OLAH: variants seen among roughly 807,000 people sequenced by gnomAD.
OLAH encodes the protein S-acyl fatty acid synthase thioesterase, medium chain.
OLAH carries 33 observed loss-of-function variants against 27.8 expected under a neutral mutation model. That is an observed-to-expected ratio of 1.19 (90% CI 0.90 to 1.59). The LOEUF is 1.59. OLAH is among the 40% of genes most tolerant of loss of function. The pLI is 0.00. For synonymous variants in OLAH, 120 were observed against 102.9 expected (o/e 1.17, Z -1.01); for missense variants, 359 against 310.8 (o/e 1.16, Z -1.17).
chr10:15,032,557 G>A (rs913129572), intron 1 of OLAH, among the ~76,000 whole-genome samples: 6 of 147,758 alleles, frequency 4.1e-5, no homozygotes, highest in East Asian at 2.0e-4. Flanking sequence ...GGAGGCAAAG[G>A]TTCCAGTAAA....
intron 3 of OLAH, among the ~76,000 whole-genome samples, chr10:15,058,871 T>C (rs899627495): frequency 1.3e-5 from 2 of 152,020 alleles, no homozygotes; most frequent in Non-Finnish European, 1.5e-5. Flanking sequence ...AGTTGTTCCC[T>C]CCCTTCCTAC....
intron 4 of OLAH, among the ~76,000 whole-genome samples, chr10:15,063,984 G>A (rs1249300982): frequency 3.3e-5 from 5 of 152,124 alleles, no homozygotes; most frequent in Non-Finnish European, 7.4e-5. Flanking sequence ...ATTCATTAGA[G>A]TAAAAAAGGC....
rs566095410 is a variant in OLAH, at chr10:15,067,937, T to C, written c.572+2184T>C. 2.0e-5 allele frequency: 3 copies of C among 152,388 alleles called. No homozygotes were observed. The South Asian group carries it at 6.2e-4, about 32-fold the overall frequency. The allele number at this position is 152,388 out of a possible 1,614,324, so 9.4% of individuals were successfully genotyped here. ...CTCCTCTCTTGCTTCGGACTATTGTTACTGTTCCTCCTCTGGGATCCTGAT... is the reference window on the plus strand; with the variant it reads ...CTCCTCTCTTGCTTCGGACTATTGTCACTGTTCCTCCTCTGGGATCCTGAT... On this transcript the variant is annotated intron_variant, in intron 6 of 7. Coordinates refer to ENST00000378228, the MANE Select transcript of OLAH (RefSeq NM_001039702.3).
rs1844038084 is a variant in OLAH, at chr10:15,047,292, G to C, written c.4G>C (p.Glu2Gln). The change falls in exon 2 of 8, where the codon GAG (glutamate) becomes CAG (glutamine). Residue 2 changes from glutamate (E) to glutamine (Q), a missense_variant. Transcript: ENST00000378228. ...TCTTGCAACCTCACCTCACAGCATG[G>C]AGAGAGGAGACCAACCTAAGAGAAC... MERGDQPKRTRN... is the reference protein window; with the variant it reads MQRGDQPKRTRN... 6.2e-7 allele frequency: 1 copy of C among 1,613,410 alleles called. No individual in the cohort carries two copies.
chr10:15,032,583 T>G (rs925822430), intron 1 of OLAH, among the ~76,000 whole-genome samples: 26 of 140,054 alleles, frequency 1.9e-4, no homozygotes, highest in African/African-American at 5.9e-4. Flanking sequence ...ATCACACCAC[T>G]GCACTCCAGC....
rs770181850 is a variant in OLAH, at chr10:15,073,242, T to C, written c.*13T>C. 7.9e-6 allele frequency: 12 copies of C among 1,522,432 alleles called. No individual in the cohort carries two copies. In the African/African-American group the frequency reaches 1.3e-4, roughly 16 times the overall value. The allele number at this position is 1,522,432 out of a possible 1,614,324, so 94.3% of individuals were successfully genotyped here. A position where few individuals can be genotyped will look rare whatever the true frequency, so the allele number is the denominator to read the frequency against. ...ATCCAATTTTTAGATATTTTCCCTT[T>C]CACTTTTAAAATAATCAAAGTAATA... On this transcript the variant is annotated 3_prime_UTR_variant, in exon 8 of 8. Coordinates refer to ENST00000378228, the MANE Select transcript of OLAH (RefSeq NM_001039702.3).
In OLAH at chr10:15,050,243, C is replaced by G. The variant is rs539920998; in HGVS notation, c.163+478C>G. On this transcript the variant is annotated intron_variant, in intron 3 of 7. Coordinates refer to ENST00000378228, the MANE Select transcript of OLAH (RefSeq NM_001039702.3). ...GACCAGTCTGGGCAACACAGTGAGA[C>G]CCCATCTCTATAATAATAATTATTT... 2.6e-5 allele frequency among the ~76,000 whole-genome samples: 4 copies of G among 152,260 alleles called. No individual in the cohort carries two copies. The East Asian group carries it at 5.8e-4, about 22-fold the overall frequency.
At chr10:15,067,393 C>CT (rs60694197) in intron 6 of OLAH, among the ~76,000 whole-genome samples, 120,534 of 152,008 alleles carry the variant, frequency 0.79, 48,796 homozygotes, top group East Asian at 0.98. Context: ...AGAATAGCAC[C>CT]TTTCAAGGTG....
At chr10:15,051,302 A>G (rs556162994) in intron 3 of OLAH, among the ~76,000 whole-genome samples, 4 of 152,280 alleles carry the variant, frequency 2.6e-5, no homozygotes, top group African/African-American at 9.6e-5. Flanking sequence ...CATTGTTAAC[A>G]ATCAGAATTC....
Position 15,035,154 on chromosome 10 carries a change from G to A in OLAH, c.-164+2804G>A, listed in dbSNP as rs1335833882. On this transcript the variant is annotated intron_variant, in intron 1 of 3. Coordinates refer to the OLAH transcript ENST00000413672. ...GTTTGCTAGCAGAGAAGGCAGTGGT[G>A]AGTTGGGGAGAGGCATTCTAGGAGC... is the stretch of plus-strand genomic sequence containing the variant. 2.6e-5 allele frequency among the ~76,000 whole-genome samples: 4 copies of A among 152,252 alleles called. No individual in the cohort carries two copies. The East Asian group carries it at 7.7e-4, about 29-fold the overall frequency.
intron 1 of OLAH, among the ~76,000 whole-genome samples, chr10:15,037,759 G>A (rs1168730079): frequency 6.6e-6 from 1 of 152,172 alleles, no homozygotes; most frequent in Non-Finnish European, 1.5e-5. Context: ...ATTGCTGGTA[G>A]AACTTGCCTG....
chr10:15,069,978 A>C (rs1428552029), intron 6 of OLAH, among the ~76,000 whole-genome samples: 2 of 152,108 alleles, frequency 1.3e-5, no homozygotes, highest in African/African-American at 4.8e-5. Flanking sequence ...GTCTTATCGC[A>C]TGTACAGCAG....
At chr10:15,040,071 C>T (rs56809719), upstream of OLAH, among the ~76,000 whole-genome samples, 1 of 152,236 alleles carries the variant, frequency 6.6e-6, no homozygotes, top group East Asian at 1.9e-4. Context: ...TTCCCCATGC[C>T]CCATTCCTTC....
intron 1 of OLAH, chr10:15,038,712 A>G (rs1028463011): frequency 3.9e-5 from 6 of 152,234 alleles, no homozygotes; most frequent in Non-Finnish European, 7.3e-5. Flanking sequence ...TTTCCAGTAT[A>G]AATTACCCAG....
At chr10:15,071,429 G>T (rs1844584585) in intron 6 of OLAH, 2 of 726,928 alleles carry the variant, frequency 2.8e-6, no homozygotes, top group Non-Finnish European at 3.4e-6. Context: ...CTGTTGTGAG[G>T]TTCTGTGCAG....
intron 6 of OLAH, among the ~76,000 whole-genome samples, chr10:15,069,113 A>T (rs1406705402): frequency 1.3e-5 from 2 of 152,074 alleles, no homozygotes; most frequent in Non-Finnish European, 2.9e-5. Context: ...CTGGACATCT[A>T]GATAGTCTGA....
At chr10:15,051,759 C>T (rs996259142) in intron 3 of OLAH, among the ~76,000 whole-genome samples, 2 of 151,946 alleles carry the variant, frequency 1.3e-5, no homozygotes, top group Non-Finnish European at 2.9e-5. Context: ...CACCGCCAGT[C>T]GTTTTGCCAA....
intron 4 of OLAH, among the ~76,000 whole-genome samples, chr10:15,063,901 T>G (rs570315662): frequency 4.4e-4 from 67 of 152,228 alleles, no homozygotes; most frequent in Non-Finnish European, 8.1e-4. Context: ...GCAGATGGAT[T>G]CTCATTTCTG....
intron 3 of OLAH, chr10:15,056,991 T>C: frequency 7.1e-7 from 1 of 1,410,182 alleles, no homozygotes; most frequent in Non-Finnish European, 9.3e-7. Context: ...TAGTAGGTTT[T>C]TTGTGTTGAA....
Sources: allele counts gnomAD v4.1 joint callset (sites outside exome capture counted in the v4.1 genomes callset), GRCh38; gene constraint gnomAD v4.1.1; transcripts MANE v1.5; gene names NCBI Gene and HGNC (gene_info 2026-07-23, HGNC 2026-07-21).